The following REC114 variants were observed in gnomAD, a reference collection of about 807,000 sequenced individuals.
REC114 encodes meiotic recombination protein REC114.
A neutral mutation model predicts 31.3 loss-of-function variants in REC114; 27 were observed. The observed-to-expected ratio is 0.86, with a 90% CI of 0.64 to 1.19. The LOEUF (loss-of-function observed/expected upper bound fraction) is 1.19. Among genes scored for constraint, REC114 ranks in the 50% most tolerant of loss-of-function variants. REC114 has a pLI of 0.00. For synonymous variants in REC114, 134 were observed against 127.7 expected (o/e 1.05, Z -0.33); for missense variants, 344 against 326.9 (o/e 1.05, Z -0.40).
chr15:73,477,420 A>G (rs1893230217), intron 2 of REC114, among the ~76,000 whole-genome samples: 1 of 152,104 alleles, frequency 6.6e-6, no homozygotes, highest in Non-Finnish European at 1.5e-5. Flanking sequence ...CCAAGATTGC[A>G]AAGTCATTTT....
At chr15:73,556,803 T>C (rs548379790) in intron 5 of REC114, among the ~76,000 whole-genome samples, 1 of 152,314 alleles carries the variant, frequency 6.6e-6, no homozygotes, top group Non-Finnish European at 1.5e-5. Flanking sequence ...AATTTCTATA[T>C]GGGTAGATTG....
rs1463613765 is a variant in REC114, at chr15:73,541,338, T to TTTCC, written c.333+770_333+771insTTCC. On this transcript the variant is annotated intron_variant, in intron 3 of 5. Transcript: ENST00000331090. ...CCTTCTCACTAATGGAAATCACAGATACTTTCATATCACATTTCAGTTGTT... is the reference window on the plus strand; with the variant it reads ...CCTTCTCACTAATGGAAATCACAGATTTCCACTTTCATATCACATTTCAGTTGTT... 3.9e-5 allele frequency among the ~76,000 whole-genome samples: 6 copies of TTTCC among 152,362 alleles called. No individual in the cohort carries two copies. The South Asian group carries it at 8.3e-4, about 21-fold the overall frequency.
At chr15:73,555,091 T>G (rs1357619019) in intron 4 of REC114, among the ~76,000 whole-genome samples, 1 of 152,190 alleles carries the variant, frequency 6.6e-6, no homozygotes, top group Non-Finnish European at 1.5e-5. Flanking sequence ...CCCTCTTTTT[T>G]GTTGTTGTTT....
intron 1 of REC114, among the ~76,000 whole-genome samples, chr15:73,451,416 C>A (rs932289340): frequency 1.4e-4 from 22 of 152,200 alleles, no homozygotes; most frequent in African/African-American, 5.1e-4. Context: ...ATACACCCTC[C>A]CAAGACTAAA....
At chr15:73,528,216 C>T (rs1175460574) in intron 2 of REC114, among the ~76,000 whole-genome samples, 1 of 152,132 alleles carries the variant, frequency 6.6e-6, no homozygotes, top group East Asian at 1.9e-4. Context: ...CAAAATTCCT[C>T]TTTCGAGATG....
intron 2 of REC114, among the ~76,000 whole-genome samples, chr15:73,534,340 A>ACCACTGATCCCAC (rs1894127067): frequency 6.6e-6 from 1 of 152,234 alleles, no homozygotes; most frequent in Non-Finnish European, 1.5e-5. Flanking sequence ...AAAAATGATA[A>ACCACTGATCCCAC]AGGGGATATC....
chr15:73,531,850 T>C (rs929238780), intron 2 of REC114, among the ~76,000 whole-genome samples: 2 of 152,162 alleles, frequency 1.3e-5, no homozygotes, highest in Non-Finnish European at 2.9e-5. Context: ...CCTGACACCA[T>C]TGACAAGTTT....
At position 73,447,848 on chromosome 15, in the gene REC114, C is replaced by A. The variant is rs143356635; in HGVS notation, c.159+4504C>A. On this transcript the variant is annotated intron_variant, in intron 1 of 5. Coordinates refer to ENST00000331090, the MANE Select transcript of REC114 (RefSeq NM_001042367.2). ...TGGGTGCAGGCCATGGGGGGTGAGC[C>A]GAAGCAGGGTGGGGCATCACCTCAC... 3.4e-4 allele frequency among the ~76,000 whole-genome samples: 51 copies of A among 151,918 alleles called. No individual in the cohort carries two copies. In the East Asian group the frequency reaches 9.3e-3, roughly 28 times the overall value.
chr15:73,486,744 T>G (rs1299246010), intron 2 of REC114, among the ~76,000 whole-genome samples: 1 of 151,916 alleles, frequency 6.6e-6, no homozygotes, highest in African/African-American at 2.4e-5. Context: ...ATAAGAGAGG[T>G]ACTCTATTCT....
chr15:73,531,423 C>T (rs2141324846), intron 2 of REC114, among the ~76,000 whole-genome samples: 1 of 152,270 alleles, frequency 6.6e-6, no homozygotes. Flanking sequence ...CCACGGAGTG[C>T]ATGGATGACC....
intron 2 of REC114, among the ~76,000 whole-genome samples, chr15:73,536,522 C>T (rs1566947312): frequency 6.6e-6 from 1 of 152,134 alleles, no homozygotes; most frequent in East Asian, 1.9e-4. Flanking sequence ...GAACACAGAG[C>T]AGGTCACTTA....
At chr15:73,504,381 A>T (rs1893646798) in intron 2 of REC114, among the ~76,000 whole-genome samples, 1 of 152,014 alleles carries the variant, frequency 6.6e-6, no homozygotes, top group East Asian at 1.9e-4. Flanking sequence ...GGAATTCAAT[A>T]TTTTTTTCAT....
intron 2 of REC114, among the ~76,000 whole-genome samples, chr15:73,496,136 G>A (rs765548926): frequency 4.6e-5 from 7 of 151,010 alleles, no homozygotes; most frequent in African/African-American, 7.3e-5. Context: ...GGCAGATCAC[G>A]AGGTCAAGAG....
chr15:73,466,080 T>C (rs1021327979), intron 1 of REC114, among the ~76,000 whole-genome samples: 5 of 151,692 alleles, frequency 3.3e-5, no homozygotes, highest in African/African-American at 9.7e-5. Context: ...CTCAATCTCC[T>C]GACCTCATGA....
intron 4 of REC114, among the ~76,000 whole-genome samples, chr15:73,554,389 C>G (rs1231314659): frequency 6.6e-6 from 1 of 152,240 alleles, no homozygotes; most frequent in African/African-American, 2.4e-5. Flanking sequence ...TGCTCTCTTA[C>G]ATTCAGGTGT....
intron 1 of REC114, among the ~76,000 whole-genome samples, chr15:73,462,000 C>T (rs544285624): frequency 2.1e-5 from 3 of 140,852 alleles, no homozygotes; most frequent in Middle Eastern, 8.2e-3. Flanking sequence ...GGTGCGATCT[C>T]GGCTCACTGC....
intron 2 of REC114, among the ~76,000 whole-genome samples, chr15:73,525,556 A>G (rs1375477243): frequency 6.6e-6 from 1 of 151,752 alleles, no homozygotes; most frequent in Non-Finnish European, 1.5e-5. Context: ...TCAGTTTAAA[A>G]TGTTTTATTC....
chr15:73,548,291 T>C (rs927188501), intron 3 of REC114, among the ~76,000 whole-genome samples: 4 of 152,208 alleles, frequency 2.6e-5, no homozygotes, highest in African/African-American at 9.6e-5. Context: ...GTATTTTTAC[T>C]AGAGACAGAG....
rs545408025 is a variant in REC114, at chr15:73,486,711, G to T, written c.249+12790G>T. On this transcript the variant is annotated intron_variant, in intron 2 of 5. Coordinates refer to ENST00000331090, the MANE Select transcript of REC114 (RefSeq NM_001042367.2). Reference sequence around the variant, plus strand: ...TGCATCCTCCATAGGGGAGGACTGCGGTATCCTTACATACAGAAGAACATA... The same window carrying T: ...TGCATCCTCCATAGGGGAGGACTGCTGTATCCTTACATACAGAAGAACATA... 8.2e-4 allele frequency among the ~76,000 whole-genome samples: 125 copies of T among 152,210 alleles called. 1 individual carries two copies. Among genetic ancestry groups the T allele is most frequent in the Non-Finnish European group, 1.4e-3 (97 of 67,998 alleles).
Sources: allele counts gnomAD v4.1 joint callset (sites outside exome capture counted in the v4.1 genomes callset), GRCh38; gene constraint gnomAD v4.1.1; transcripts MANE v1.5; gene names NCBI Gene and HGNC (gene_info 2026-07-23, HGNC 2026-07-21).